The following UBAP2 variants were observed in gnomAD, a reference collection of about 807,000 sequenced individuals.
The protein encoded by UBAP2 is ubiquitin associated protein 2, also known as ubiquitin-associated protein 2.
In UBAP2, 75 loss-of-function variants were observed where a neutral mutation model predicts 139.6. That is an observed-to-expected ratio of 0.54 (90% CI 0.45 to 0.65). UBAP2 has a LOEUF of 0.65. Ranked by LOEUF, UBAP2 falls within the 30% of genes least tolerant of loss-of-function variation. The probability of loss-of-function intolerance (pLI) is 0.00; values close to 1 mark genes in which losing one functional copy is unlikely to be tolerated. For missense variants in UBAP2, 1,368 were observed against 1,369.6 expected (o/e 1.00, Z 0.02); for synonymous variants, 526 against 526.2 (o/e 1.00, Z 0.01).
chr9:34,046,297 AT>A (rs1210369137), intron 1 of UBAP2, among the ~76,000 whole-genome samples: 6 of 144,040 alleles, frequency 4.2e-5, no homozygotes, highest in African/African-American at 1.6e-4. Context: ...ATAAATCATC[AT>A]TTAAAAAAAA....
chr9:34,007,642 A>G (rs867366262), intron 2 of UBAP2, among the ~76,000 whole-genome samples: 3 of 120,226 alleles, frequency 2.5e-5, no homozygotes, highest in Non-Finnish European at 6.0e-5. Flanking sequence ...TGTATGTTTT[A>G]TTTTTATTTT....
chr9:33,956,180 T>A, intron 10 of UBAP2, 34 bp from the exon 11 acceptor site: 1 of 1,537,144 alleles, frequency 6.5e-7, no homozygotes, highest in Non-Finnish European at 9.0e-7. Context: ...AATCTTATTC[T>A]ACATACTACT....
intron 8 of UBAP2, among the ~76,000 whole-genome samples, chr9:33,966,490 T>C (rs1827469248): frequency 6.6e-6 from 1 of 151,984 alleles, no homozygotes; most frequent in African/African-American, 2.4e-5. Flanking sequence ...AATCAAGTTG[T>C]CAAAAATCTG....
chr9:33,984,052 C>T (rs1163067369), intron 6 of UBAP2, among the ~76,000 whole-genome samples: 8 of 152,030 alleles, frequency 5.3e-5, no homozygotes, highest in East Asian at 3.9e-4. Flanking sequence ...TACAGGCACA[C>T]ACCACCATGC....
At chr9:33,937,766 A>C (rs1824700423) in intron 16 of UBAP2, among the ~76,000 whole-genome samples, 1 of 150,772 alleles carries the variant, frequency 6.6e-6, no homozygotes, top group Non-Finnish European at 1.5e-5. Context: ...AAAAAAAAAA[A>C]AAAAAATTAG....
chr9:34,001,642 CTCCAATTCATATAAT>C (rs1302439360), intron 2 of UBAP2, among the ~76,000 whole-genome samples: 21 of 152,210 alleles, frequency 1.4e-4, no homozygotes, highest in Non-Finnish European at 3.1e-4. Context: ...GACAAGATAA[CTCCAATTCATATAAT>C]CAATTTTCAC....
intron 19 of UBAP2, among the ~76,000 whole-genome samples, chr9:33,929,767 C>T (rs1446204215): frequency 6.6e-6 from 1 of 152,028 alleles, no homozygotes; most frequent in Non-Finnish European, 1.5e-5. Flanking sequence ...TTTGGGAGGC[C>T]GAGGCAGGTG....
At chr9:34,005,569 A>T (rs929745699) in intron 2 of UBAP2, among the ~76,000 whole-genome samples, 8 of 152,182 alleles carry the variant, frequency 5.3e-5, no homozygotes, top group African/African-American at 1.4e-4. Context: ...ATGGAGTCTA[A>T]ACTACAAGGA....
chr9:34,013,223 C>A lies in UBAP2; in HGVS notation c.99+3827G>T, dbSNP rs558179833. Among the ~76,000 whole-genome samples, 5 of 151,346 alleles carry A rather than the reference C, an allele frequency of 3.3e-5. No homozygotes were observed. In the South Asian group the frequency reaches 6.3e-4, roughly 19 times the overall value. On this transcript the variant is annotated intron_variant, in intron 2 of 28. Coordinates refer to ENST00000379238, the MANE Select transcript of UBAP2 (RefSeq NM_001370062.2). Reference sequence around the variant, plus strand: ...CTCATCTAATTACTAAGTGCTAGACCCAGGACAAAAATCCTGGTTTATACG... The same window carrying A: ...CTCATCTAATTACTAAGTGCTAGACACAGGACAAAAATCCTGGTTTATACG...
Position 33,941,740 on chromosome 9 carries a change from A to G in UBAP2, c.1838T>C (p.Met613Thr), listed in dbSNP as rs962901157. The G allele has an allele frequency of 2.4e-5, 39 of 1,614,050 alleles. No individual in the cohort carries two copies. Among genetic ancestry groups the G allele is most frequent in the Non-Finnish European group, 2.7e-5 (32 of 1,180,010 alleles). The change falls in exon 16 of 29, where the codon ATG becomes ACG. Residue 613 changes from methionine (M) to threonine (T), a missense_variant. Transcript: ENST00000379238. ...SSLNSASPVAMSSSYDQSSVH... is the reference protein window; with the variant it reads ...SSLNSASPVATSSSYDQSSVH... ...AGAACTCTGGTCATAAGAGGAAGAC[A>G]TTGCTACTGGACTAGCAGAATTCAG...
intron 1 of UBAP2, among the ~76,000 whole-genome samples, chr9:34,038,938 T>G (rs1339828849): frequency 3.9e-5 from 5 of 128,038 alleles, no homozygotes; most frequent in Admixed American, 3.8e-4. Context: ...CGCCACCCCA[T>G]CTGGGATGTG....
rs1351880091 is a variant in UBAP2, at chr9:33,981,832, AGGGAAGGG to A, written c.520+4920_520+4927del. On this transcript the variant is annotated intron_variant, in intron 6 of 28. Transcript: ENST00000379238. ...GGTGGAAGGGGGGAAGCGGGGAAGG[AGGGAAGGG>A]GGGAAAGGGAGGGAGGGAAGGAAGG... Among the ~76,000 whole-genome samples the A allele has an allele frequency of 6.1e-5, 4 of 65,722 alleles. No homozygotes were observed. In the Admixed American group the frequency reaches 6.7e-4, roughly 11 times the overall value. 43.1% of individuals were successfully genotyped at this position (65,722 alleles called of 152,430 possible). A position where few individuals can be genotyped will look rare whatever the true frequency, so the allele number is the denominator to read the frequency against.
chr9:33,959,515 G>A (rs1303387539), intron 10 of UBAP2, among the ~76,000 whole-genome samples: 2 of 152,062 alleles, frequency 1.3e-5, no homozygotes, highest in African/African-American at 2.4e-5. Flanking sequence ...AAACTCAAGA[G>A]TTCTAGAACT....
chr9:33,966,202 CTT>C (rs1005494799), intron 8 of UBAP2, among the ~76,000 whole-genome samples: 8 of 151,730 alleles, frequency 5.3e-5, no homozygotes, highest in Non-Finnish European at 1.2e-4. Context: ...AATCTCACCA[CTT>C]TGGGAGGCTG....
At position 33,962,735 on chromosome 9, in the gene UBAP2, G is replaced by A. The variant is rs147427812; in HGVS notation, c.745+991C>T. On this transcript the variant is annotated intron_variant, in intron 9 of 28. Coordinates refer to ENST00000379238, the MANE Select transcript of UBAP2 (RefSeq NM_001370062.2). ...CTCATGCCTGTAATTGCAGCATTTC[G>A]GGAGGCAGAGATGAGTGGATCACCT... Among the ~76,000 whole-genome samples, 534 of 151,624 alleles carry A rather than the reference G, an allele frequency of 3.5e-3. 7 individuals are homozygous for A. Among genetic ancestry groups the A allele is most frequent in the African/African-American group, 0.012 (498 of 41,412 alleles).
At chr9:34,023,641 A>C (rs1825150892) in intron 1 of UBAP2, among the ~76,000 whole-genome samples, 1 of 152,236 alleles carries the variant, frequency 6.6e-6, no homozygotes, top group African/African-American at 2.4e-5. Flanking sequence ...GTGAAACATA[A>C]AAACTACATG....
chr9:33,975,441 A>AC (rs1485557324), intron 6 of UBAP2, among the ~76,000 whole-genome samples: 2 of 143,476 alleles, frequency 1.4e-5, no homozygotes, highest in Non-Finnish European at 3.0e-5. Context: ...TTAAAAAAAA[A>AC]AAACAAAAAA....
At chr9:34,039,054 G>A (rs1395430704) in intron 1 of UBAP2, among the ~76,000 whole-genome samples, 9 of 147,950 alleles carry the variant, frequency 6.1e-5, no homozygotes, top group South Asian at 4.4e-4. Context: ...CAGCCGCCCC[G>A]TCTGGGAAGT....
chr9:33,922,748 A>C lies in UBAP2; in HGVS notation c.3203T>G (p.Leu1068Trp), dbSNP rs977533999. The C allele has an allele frequency of 6.4e-7, 1 of 1,556,884 alleles. No homozygotes were observed. Among genetic ancestry groups the C allele is most frequent in the Non-Finnish European group, 8.7e-7 (1 of 1,152,000 alleles). Residue 1068 changes from leucine (L) to tryptophan (W), a missense_variant, in exon 28 of 29, where the codon TTG (leucine) becomes TGG (tryptophan). By Grantham distance (61) the Leu-to-Trp change is moderately conservative. Coordinates refer to ENST00000379238, the MANE Select transcript of UBAP2 (RefSeq NM_001370062.2). The part of the protein sequence containing the change: ...GYAPPPFLHI[L>W]PAHQQPHSQL... ...TGAGTGGGGCTGCTGGTGGGCTGGC[A>C]AGATGTGTAGGAATGGTGGGGGTGC...
Sources: allele counts gnomAD v4.1 joint callset (sites outside exome capture counted in the v4.1 genomes callset), GRCh38; gene constraint gnomAD v4.1.1; transcripts MANE v1.5; gene names NCBI Gene and HGNC (gene_info 2026-07-23, HGNC 2026-07-21).